The following ZFHX3 variants were observed in gnomAD, a reference collection of about 807,000 sequenced individuals.
ZFHX3 encodes zinc finger homeobox 3.
Under a neutral mutation model 279.1 loss-of-function variants are expected in ZFHX3, and 42 were observed. The ratio of observed to expected loss-of-function variants is 0.15; its 90% CI spans 0.12 to 0.19. ZFHX3 has a LOEUF of 0.19. ZFHX3 is among the 10% of genes least tolerant of loss of function. ZFHX3 has a pLI of 1.00. For synonymous variants in ZFHX3, 2,293 were observed against 1,957.8 expected (o/e 1.17, Z -4.52); for missense variants, 4,981 against 4,754.0 (o/e 1.05, Z -1.40).
At chr16:72,834,083 C>CA (rs2037127924) in intron 4 of ZFHX3, among the ~76,000 whole-genome samples, 3 of 152,078 alleles carry the variant, frequency 2.0e-5, no homozygotes, top group South Asian at 2.1e-4. Flanking sequence ...TCCATCTCTA[C>CA]AAAAAATGCA....
chr16:73,333,153 A>C (rs1424602513), intron 3 of ZFHX3, among the ~76,000 whole-genome samples: 1 of 152,242 alleles, frequency 6.6e-6, no homozygotes, highest in Non-Finnish European at 1.5e-5. Flanking sequence ...ACATACATGG[A>C]TACATAGACA....
chr16:73,789,952 C>T (rs1353221132), intron 1 of ZFHX3, among the ~76,000 whole-genome samples: 2 of 152,174 alleles, frequency 1.3e-5, no homozygotes, highest in Non-Finnish European at 2.9e-5. Flanking sequence ...CGTTCTGCCT[C>T]ATTTATTATC....
At position 72,793,920 on chromosome 16, in the gene ZFHX3, G is replaced by C. The variant is rs750197314; in HGVS notation, c.8762C>G (p.Ala2921Gly). 1 of 1,614,210 alleles carries C rather than the reference G, an allele frequency of 6.2e-7. No homozygotes were observed. Among genetic ancestry groups the C allele is most frequent in the Non-Finnish European group, 8.5e-7 (1 of 1,180,038 alleles). The change falls in exon 9 of 10, where the codon GCA becomes GGA. Residue 2921 changes from alanine (A) to glycine (G), a missense_variant. Around this residue, in one of 7 missense-constraint regions of ZFHX3, gnomAD observed 168 missense variants for 249.1 expected, o/e 0.67. Transcript: ENST00000268489. This position sits in a 1 kb window ranked among gnomAD's most constrained non-coding sequence, Gnocchi z 4.3. Reference protein sequence around the residue: ...TVDYSETSSLADPCSPSPGAS... With the variant: ...TVDYSETSSLGDPCSPSPGAS... ...ACCAGGACTCGGGGAGCAGGGATCT[G>C]CAAGGCTTGAGGTTTCACTGTAGTC...
At chr16:73,444,020 C>G (rs1481333333) in intron 3 of ZFHX3, among the ~76,000 whole-genome samples, 1 of 152,222 alleles carries the variant, frequency 6.6e-6, no homozygotes, top group East Asian at 1.9e-4. Context: ...CTTGGCCTCC[C>G]AAAGTGCTGG....
intron 1 of ZFHX3, among the ~76,000 whole-genome samples, chr16:73,803,590 A>G (rs1960195327): frequency 6.6e-6 from 1 of 152,222 alleles, no homozygotes; most frequent in South Asian, 2.1e-4. Context: ...AAGGATGTTT[A>G]TTTAATTCTT....
intron 3 of ZFHX3, among the ~76,000 whole-genome samples, chr16:72,915,862 G>T (rs2039429483): frequency 6.6e-6 from 1 of 152,052 alleles, no homozygotes; most frequent in Non-Finnish European, 1.5e-5. Context: ...ATCTCTGAGT[G>T]CTTACTATGT....
At chr16:72,902,779 CG>C (rs374081301) in intron 3 of ZFHX3, among the ~76,000 whole-genome samples, 1,621 of 152,020 alleles carry the variant, frequency 0.011, 11 homozygotes, top group Non-Finnish European at 0.015. Flanking sequence ...AAGGGGCTGA[CG>C]GGGGGCTGAG....
intron 7 of ZFHX3, 67 bp downstream of exon 7, chr16:72,811,510 G>A: frequency 1.4e-6 from 2 of 1,403,084 alleles, no homozygotes; most frequent in East Asian, 2.4e-5. Context: ...ACAGTATCTT[G>A]CCCATGTTAC....
chr16:73,403,871 G>T (rs2017307003), intron 3 of ZFHX3, among the ~76,000 whole-genome samples: 1 of 152,180 alleles, frequency 6.6e-6, no homozygotes, highest in African/African-American at 2.4e-5. Flanking sequence ...TTTGCCAAAT[G>T]TGCAGACTGC....
rs1567451240 is a variant in ZFHX3 at position 73,325,928 on chromosome 16, A to ACAAACACACAC, written c.-1290-7593_-1290-7592insGTGTGTGTTTG. 2.8e-3 allele frequency among the ~76,000 whole-genome samples: 402 copies of ACAAACACACAC among 145,566 alleles called. 1 individual carries two copies. The highest frequency in any genetic ancestry group is 4.5e-3 in the Non-Finnish European group (299 of 66,140). ...ACACACACACACACACACACACACA[A>ACAAACACACAC]ACACACACACACACACACACACAGG... On this transcript the variant is annotated intron_variant, in intron 3 of 17. Transcript: ENST00000641206.
At chr16:73,313,029 G>A (rs1422834022) in intron 4 of ZFHX3, among the ~76,000 whole-genome samples, 1 of 152,182 alleles carries the variant, frequency 6.6e-6, no homozygotes, top group Non-Finnish European at 1.5e-5. Context: ...CATGTGTCAG[G>A]GGACGGGCCT....
At chr16:73,647,998 A>G (rs1298649205) in intron 2 of ZFHX3, among the ~76,000 whole-genome samples, 1 of 152,226 alleles carries the variant, frequency 6.6e-6, no homozygotes, top group Non-Finnish European at 1.5e-5. Flanking sequence ...AAAAATGTTA[A>G]TAATATTAAA....
chr16:72,953,319 G>C (rs1375951101), intron 2 of ZFHX3, among the ~76,000 whole-genome samples: 1 of 150,186 alleles, frequency 6.7e-6, no homozygotes, highest in Admixed American at 6.6e-5. Context: ...AAGCCTAAAA[G>C]CTCCATCCCT....
intron 4 of ZFHX3, among the ~76,000 whole-genome samples, chr16:72,872,401 T>G (rs2038185594): frequency 6.6e-6 from 1 of 152,178 alleles, no homozygotes; most frequent in Admixed American, 6.5e-5. Context: ...GTGAAAGTAC[T>G]CTCTAGGTTC....
At chr16:73,668,744 T>A (rs961486257) in intron 2 of ZFHX3, among the ~76,000 whole-genome samples, 4 of 151,136 alleles carry the variant, frequency 2.6e-5, no homozygotes, top group African/African-American at 9.8e-5. Flanking sequence ...CATCAAAAAG[T>A]GGGCAAAGGA....
intron 1 of ZFHX3, among the ~76,000 whole-genome samples, chr16:73,842,034 G>C (rs979873715): frequency 6.6e-6 from 1 of 151,504 alleles, no homozygotes; most frequent in Non-Finnish European, 1.5e-5. Flanking sequence ...GACCAACATG[G>C]TGAAACCCGT....
chr16:73,224,567 C>T (rs1278130792), intron 5 of ZFHX3, among the ~76,000 whole-genome samples: 1 of 152,104 alleles, frequency 6.6e-6, no homozygotes, highest in Non-Finnish European at 1.5e-5. Context: ...GTGCCTGGCA[C>T]CATATTTCTA....
At chr16:73,449,482 C>A (rs924262081) in intron 3 of ZFHX3, among the ~76,000 whole-genome samples, 4 of 151,986 alleles carry the variant, frequency 2.6e-5, no homozygotes, top group Non-Finnish European at 2.9e-5. Flanking sequence ...GGCAACATAG[C>A]AAGACCCCAT....
At chr16:73,197,433 AT>A (rs925752592) in intron 5 of ZFHX3, among the ~76,000 whole-genome samples, 1 of 152,136 alleles carries the variant, frequency 6.6e-6, no homozygotes, top group African/African-American at 2.4e-5. Flanking sequence ...TGTCTGTTGT[AT>A]TTTTCATCTC....
Sources: gnomAD v4.1 joint callset for allele counts (sites outside exome capture counted in the v4.1 genomes callset) on GRCh38, gnomAD v4.1.1 for gene constraint, gnomAD v4.1.1 regional missense constraint, Gnocchi (gnomAD v3.1) non-coding constraint, MANE v1.5 for transcripts, NCBI Gene and HGNC (gene_info 2026-07-23, HGNC 2026-07-21) for gene names.